The following ZNF280C variants were observed in gnomAD, a reference collection of about 807,000 sequenced individuals.
The protein encoded by ZNF280C is suppressor of hairy wing homolog 3.
Under a neutral mutation model 53.6 loss-of-function variants are expected in ZNF280C, and 14 were observed. The ratio of observed to expected loss-of-function variants is 0.26; its 90% CI spans 0.17 to 0.41. ZNF280C has a LOEUF of 0.41. Among genes scored for constraint, ZNF280C ranks in the 10% least tolerant of loss-of-function variants. The probability of loss-of-function intolerance (pLI) is 1.00; values close to 1 mark genes in which losing one functional copy is unlikely to be tolerated. For missense variants in ZNF280C, 416 were observed against 547.1 expected (o/e 0.76, Z 2.39); for synonymous variants, 203 against 181.1 (o/e 1.12, Z -0.97).
chrX:130,227,617 A>G, intron 11 of ZNF280C, 65 bp downstream of exon 11: 1 of 812,362 alleles, frequency 1.2e-6, no homozygotes, highest in Non-Finnish European at 1.8e-6. Context: ...TCAAAAGAAC[A>G]ATACTATTTC....
chrX:130,227,643 TAAAC>T (rs1569434701), intron 11 of ZNF280C, 35 bp downstream of exon 11: 40 of 979,879 alleles, frequency 4.1e-5, no homozygotes, highest in Non-Finnish European at 5.5e-5. Context: ...ACATGAAAAT[TAAAC>T]AAACACTTAA....
At chrX:130,251,851 C>T (rs1474220348) in intron 2 of ZNF280C, among the ~76,000 whole-genome samples, 1 of 110,278 alleles carries the variant, frequency 9.1e-6, no homozygotes, top group African/African-American at 3.3e-5. Flanking sequence ...TAGAGGCTCA[C>T]GACCTTAATC....
intron 12 of ZNF280C, among the ~76,000 whole-genome samples, chrX:130,223,400 T>G (rs954486370): frequency 6.3e-5 from 7 of 111,975 alleles, no homozygotes; most frequent in African/African-American, 2.3e-4. Flanking sequence ...AATTTCTGCC[T>G]TTAGACCTAA....
At chrX:130,209,585 C>A (rs2032019159) in intron 16 of ZNF280C, 68 bp downstream of exon 16, 2 of 998,531 alleles carry the variant, frequency 2.0e-6, no homozygotes, top group Admixed American at 2.3e-5. Flanking sequence ...AGCAGGCACT[C>A]CAACATCAAG....
rs777064061 is a variant in ZNF280C at position 130,265,644 on chromosome X, T to G, written c.-17+3118A>C. Among the ~76,000 whole-genome samples the G allele has an allele frequency of 2.7e-5, 3 of 112,163 alleles. No individual in the cohort carries two copies. In the East Asian group the frequency reaches 8.3e-4, roughly 31 times the overall value. On this transcript the variant is annotated intron_variant, in intron 1 of 18. Transcript: ENST00000370978. ...TAGGGGCTGACAACCTGAGTGGGAA[T>G]TTCTGGTCTACCACTTCCTGGCTGC... is the stretch of plus-strand genomic sequence containing the variant.
At chrX:130,215,713 G>T (rs2032093499) in intron 14 of ZNF280C, 78 bp downstream of exon 14, 3 of 953,774 alleles carry the variant, frequency 3.1e-6, no homozygotes, top group Admixed American at 6.5e-5. Context: ...ATGTAAATGT[G>T]TAAGAGGGTT....
intron 2 of ZNF280C, 91 bp downstream of exon 2, chrX:130,260,328 T>C: frequency 7.8e-6 from 5 of 637,322 alleles, no homozygotes; most frequent in Non-Finnish European, 4.5e-6. Flanking sequence ...TTTAAGAAAA[T>C]GTGCCCACTT....
intron 2 of ZNF280C, among the ~76,000 whole-genome samples, chrX:130,259,766 G>T (rs1322679805): frequency 9.0e-6 from 1 of 111,174 alleles, no homozygotes; most frequent in African/African-American, 3.3e-5. Flanking sequence ...GCCGATGTGG[G>T]TGGATCACTT....
At chrX:130,241,659 G>A (rs964597711) in intron 5 of ZNF280C, among the ~76,000 whole-genome samples, 2 of 111,918 alleles carry the variant, frequency 1.8e-5, no homozygotes, top group African/African-American at 3.2e-5. Flanking sequence ...CAGCTACTTA[G>A]GAGGCTAAGT....
At chrX:130,216,562 A>T (rs749462787) in intron 13 of ZNF280C, among the ~76,000 whole-genome samples, 8 of 112,219 alleles carry the variant, frequency 7.1e-5, no homozygotes, top group Non-Finnish European at 1.5e-4. Context: ...GGGAAATGCA[A>T]ATGAAATCCC....
chrX:130,268,471 G>A (rs926654446), intron 1 of ZNF280C, among the ~76,000 whole-genome samples: 6 of 112,250 alleles, frequency 5.3e-5, no homozygotes, highest in Admixed American at 4.7e-4. Flanking sequence ...GGACTCAGGA[G>A]GTGAGAAGGC....
At chrX:130,226,962 C>A in intron 11 of ZNF280C, 57 bp from the exon 12 acceptor site, 1 of 1,083,621 alleles carries the variant, frequency 9.2e-7, no homozygotes, top group South Asian at 2.2e-5. Context: ...CTTGCAATTA[C>A]AATCAAAGTA....
chrX:130,204,922 T>C lies in ZNF280C; in HGVS notation c.*55A>G. The C allele has an allele frequency of 9.6e-7, 1 of 1,047,119 alleles. No individual in the cohort carries two copies. The highest frequency in any genetic ancestry group is 3.1e-5 in the South Asian group (1 of 32,656). 86.3% of individuals were successfully genotyped at this position (1,047,119 alleles called of 1,213,427 possible). A position where few individuals can be genotyped will look rare whatever the true frequency, so the allele number is the denominator to read the frequency against. On this transcript the variant is annotated 3_prime_UTR_variant, in exon 19 of 19. Transcript: ENST00000370978. ...AGAAAATACTTCAGAACTTTGAACT[T>C]AGGAACTTCCAACTTGTCTTGCACC...
At chrX:130,213,119 C>T (rs1388952753) in intron 15 of ZNF280C, among the ~76,000 whole-genome samples, 2 of 109,804 alleles carry the variant, frequency 1.8e-5, no homozygotes, top group African/African-American at 3.3e-5. Context: ...TTTGGGAGGC[C>T]GAGGCGGGCG....
rs2031947658 is a variant in ZNF280C, at chrX:130,204,316, C to A, written c.*661G>T. On this transcript the variant is annotated 3_prime_UTR_variant, in exon 19 of 19. Coordinates refer to ENST00000370978, the MANE Select transcript of ZNF280C (RefSeq NM_017666.5). ...GGGAAGTTGTGCTCTATTTGGTGGG[C>A]CTTGAGGTCATCTCTGGCCAAATCA... The A allele has an allele frequency of 8.9e-6, 1 of 112,312 alleles. No individual in the cohort carries two copies. The highest frequency in any genetic ancestry group is 1.9e-5 in the Non-Finnish European group (1 of 53,253). 9.3% of individuals were successfully genotyped at this position (112,312 alleles called of 1,213,427 possible). A position where few individuals can be genotyped will look rare whatever the true frequency, so the allele number is the denominator to read the frequency against.
intron 13 of ZNF280C, among the ~76,000 whole-genome samples, chrX:130,218,620 GC>G (rs1395834701): frequency 8.9e-6 from 1 of 111,898 alleles, no homozygotes; most frequent in Non-Finnish European, 1.9e-5. Context: ...TTGTTAGCTT[GC>G]AAAAAGAAAA....
chrX:130,230,778 G>A (rs1249324049), intron 8 of ZNF280C, 51 bp from the exon 9 acceptor site: 4 of 829,489 alleles, frequency 4.8e-6, no homozygotes, highest in Admixed American at 5.7e-5. Context: ...TTAAAGATTA[G>A]ATACCAAAAA....
In ZNF280C at chrX:130,203,825, A is replaced by G. The variant is rs2031941396; in HGVS notation, c.*1152T>C. 1 of 111,905 alleles carries G rather than the reference A, an allele frequency of 8.9e-6. No homozygotes were observed. The highest frequency in any genetic ancestry group is 1.9e-5 in the Non-Finnish European group (1 of 53,218). The allele number at this position is 111,905 out of a possible 1,213,427, so 9.2% of individuals were successfully genotyped here. On this transcript the variant is annotated 3_prime_UTR_variant, in exon 19 of 19. Transcript: ENST00000370978. ...AGTAACCTTGGTTCCCAATACAACC[A>G]GAATTTTGATATTCCTTGGACTGCA...
At chrX:130,241,550 A>C (rs1268288126) in intron 5 of ZNF280C, among the ~76,000 whole-genome samples, 1 of 112,130 alleles carries the variant, frequency 8.9e-6, no homozygotes, top group Non-Finnish European at 1.9e-5. Flanking sequence ...GCTTGAGGCC[A>C]GGAGTTCAAG....
Sources: allele counts gnomAD v4.1 joint callset (sites outside exome capture counted in the v4.1 genomes callset), GRCh38; gene constraint gnomAD v4.1.1; transcripts MANE v1.5; gene names NCBI Gene and HGNC (gene_info 2026-07-23, HGNC 2026-07-21).